Variants in EXOC4 observed in about 807,000 individuals in gnomAD.
EXOC4 encodes the protein exocyst complex component 4.
Under a neutral mutation model 107.2 loss-of-function variants are expected in EXOC4, and 71 were observed. The ratio of observed to expected loss-of-function variants is 0.66; its 90% CI spans 0.55 to 0.81. EXOC4 has a LOEUF of 0.81. EXOC4 is among the 30% of genes least tolerant of loss of function. The pLI is 0.00. For synonymous variants in EXOC4, 456 were observed against 441.2 expected (o/e 1.03, Z -0.42); for missense variants, 1,108 against 1,189.6 (o/e 0.93, Z 1.01).
At chr7:133,649,507 A>T (rs1803084676) in intron 10 of EXOC4, among the ~76,000 whole-genome samples, 1 of 138,506 alleles carries the variant, frequency 7.2e-6, no homozygotes. Context: ...ATTATTTATA[A>T]CTTTGATTTC....
chr7:134,099,304 T>C, the EXOC4 span, among the ~76,000 whole-genome samples: 118,566 of 151,712 alleles, frequency 0.78, 47,274 homozygotes, highest in African/African-American at 0.93. Flanking sequence ...ATCCGCCTCA[T>C]GCTTTGTCCC....
At chr7:133,480,312 A>AT in intron 9 of EXOC4, 174 bp downstream of exon 9, 1 of 1,439,424 alleles carries the variant, frequency 6.9e-7, no homozygotes, top group South Asian at 1.4e-5. Flanking sequence ...AGGTAAAACT[A>AT]TTACTGTGGC....
intron 10 of EXOC4, among the ~76,000 whole-genome samples, chr7:133,758,077 TAGTA>T (rs1562985450): frequency 2.0e-5 from 3 of 152,154 alleles, no homozygotes; most frequent in African/African-American, 4.8e-5. Flanking sequence ...TTGGGATTAT[TAGTA>T]AGTGTGATCC....
intron 13 of EXOC4, among the ~76,000 whole-genome samples, chr7:133,922,476 A>G (rs758249736): frequency 6.6e-6 from 1 of 152,162 alleles, no homozygotes; most frequent in Non-Finnish European, 1.5e-5. Flanking sequence ...AGATTCATCC[A>G]TATTGCTGTA....
intron 5 of EXOC4, among the ~76,000 whole-genome samples, chr7:133,319,355 A>C (rs1795058570): frequency 6.6e-6 from 1 of 152,148 alleles, no homozygotes; most frequent in African/African-American, 2.4e-5. Context: ...GTTTGCATTC[A>C]TTACTTAGTG....
chr7:133,356,998 T>C (rs965036936), intron 6 of EXOC4, among the ~76,000 whole-genome samples: 6 of 152,188 alleles, frequency 3.9e-5, no homozygotes, highest in Non-Finnish European at 7.4e-5. Context: ...AAAAGGATAC[T>C]ATAGCCCATA....
chr7:133,403,297 C>T (rs1005184403), intron 7 of EXOC4, among the ~76,000 whole-genome samples: 3 of 152,216 alleles, frequency 2.0e-5, no homozygotes, highest in Non-Finnish European at 4.4e-5. Flanking sequence ...TGTCATCTTT[C>T]AGATGATGGA....
At chr7:133,460,360 AG>A (rs1381652889) in intron 7 of EXOC4, among the ~76,000 whole-genome samples, 1 of 152,206 alleles carries the variant, frequency 6.6e-6, no homozygotes, top group African/African-American at 2.4e-5. Context: ...AACAGGCCAC[AG>A]ACCAGTAACT....
At chr7:133,517,501 G>A (rs930201879) in intron 9 of EXOC4, among the ~76,000 whole-genome samples, 1 of 152,178 alleles carries the variant, frequency 6.6e-6, no homozygotes, top group Non-Finnish European at 1.5e-5. Context: ...AAACAAAGAG[G>A]TTTAATGGAG....
chr7:133,338,851 C>G (rs1795592336), intron 5 of EXOC4, among the ~76,000 whole-genome samples: 1 of 145,448 alleles, frequency 6.9e-6, no homozygotes, highest in Non-Finnish European at 1.5e-5. Flanking sequence ...CTTCCCGGTT[C>G]AAGTGATTCT....
intron 12 of EXOC4, among the ~76,000 whole-genome samples, chr7:133,907,523 T>C (rs912177725): frequency 2.0e-5 from 3 of 152,160 alleles, no homozygotes; most frequent in Middle Eastern, 3.2e-3. Flanking sequence ...GTGATTGTCA[T>C]GTGTTACTGG....
chr7:133,365,922 C>T (rs1306906024), intron 6 of EXOC4, among the ~76,000 whole-genome samples: 1 of 152,096 alleles, frequency 6.6e-6, no homozygotes, highest in Non-Finnish European at 1.5e-5. Context: ...CCTTTTAGAG[C>T]ATAATCGTAG....
intron 6 of EXOC4, among the ~76,000 whole-genome samples, chr7:133,361,048 C>T: frequency 6.6e-6 from 1 of 152,152 alleles, no homozygotes; most frequent in Non-Finnish European, 1.5e-5. Context: ...CAGTGCCCAC[C>T]TGACCCATAA....
At chr7:133,748,121 G>T (rs886432343) in intron 10 of EXOC4, among the ~76,000 whole-genome samples, 1 of 152,092 alleles carries the variant, frequency 6.6e-6, no homozygotes, top group Non-Finnish European at 1.5e-5. Flanking sequence ...AGAGCTGCTG[G>T]TGTATTATGA....
chr7:133,621,646 A>T (rs1261352216), intron 9 of EXOC4, among the ~76,000 whole-genome samples: 2 of 152,178 alleles, frequency 1.3e-5, no homozygotes, highest in African/African-American at 2.4e-5. Context: ...CATTTTGCCT[A>T]TACCTGTGAG....
In EXOC4 at chr7:133,736,808, A is replaced by G. The variant is rs978387268; in HGVS notation, c.1515-80517A>G. On this transcript the variant is annotated intron_variant, in intron 10 of 17. Transcript: ENST00000253861. The stretch of plus-strand genomic sequence containing the variant: ...GATCTTATTTCCTTGCTTTTCCATT[A>G]TGTTTGTGTAATATCACCCTACTCT... 2.0e-5 allele frequency among the ~76,000 whole-genome samples: 3 copies of G among 152,080 alleles called. No individual in the cohort carries two copies. The East Asian group carries it at 5.8e-4, about 29-fold the overall frequency.
chr7:133,537,785 A>G (rs954537806), intron 9 of EXOC4, among the ~76,000 whole-genome samples: 1 of 152,172 alleles, frequency 6.6e-6, no homozygotes, highest in African/African-American at 2.4e-5. Context: ...ATTTTTATCA[A>G]AGCATCTGTG....
At chr7:133,333,628 T>A in intron 5 of EXOC4, among the ~76,000 whole-genome samples, 1 of 152,216 alleles carries the variant, frequency 6.6e-6, no homozygotes, top group East Asian at 1.9e-4. Flanking sequence ...CATATACATC[T>A]ATATGTATCT....
intron 7 of EXOC4, among the ~76,000 whole-genome samples, chr7:133,448,399 G>A (rs1032054117): frequency 7.2e-5 from 11 of 151,958 alleles, no homozygotes; most frequent in African/African-American, 4.8e-5. Context: ...CTGGGCTTAA[G>A]CAATCCTCTC....
Sources: gnomAD v4.1 joint callset for allele counts (sites outside exome capture counted in the v4.1 genomes callset) on GRCh38, gnomAD v4.1.1 for gene constraint, MANE v1.5 for transcripts, NCBI Gene and HGNC (gene_info 2026-07-23, HGNC 2026-07-21) for gene names.